The following BCLAF1 variants were observed in gnomAD, a reference collection of about 807,000 sequenced individuals.
BCLAF1 encodes the protein bcl-2-associated transcription factor 1.
BCLAF1 carries 10 observed loss-of-function variants against 99.5 expected under a neutral mutation model. That is an observed-to-expected ratio of 0.10 (90% confidence interval 0.06 to 0.17). BCLAF1 has a LOEUF of 0.17. Ranked by LOEUF, BCLAF1 falls within the 10% of genes least tolerant of loss-of-function variation. The pLI is 1.00. For missense variants in BCLAF1, 636 were observed against 1,105.8 expected (o/e 0.58, Z 6.02); for synonymous variants, 255 against 370.9 (o/e 0.69, Z 3.59).
chr6:136,267,685 T>C (rs1781912303), intron 10 of BCLAF1, among the ~76,000 whole-genome samples: 1 of 151,904 alleles, frequency 6.6e-6, no homozygotes, highest in Non-Finnish European at 1.5e-5. Context: ...TATAACGACT[T>C]ACAGAAACAT....
intron 1 of BCLAF1, among the ~76,000 whole-genome samples, chr6:136,289,329 G>GA (rs1363497543): frequency 6.6e-6 from 1 of 152,270 alleles, no homozygotes; most frequent in Non-Finnish European, 1.5e-5. Context: ...ATAGGCGGGG[G>GA]AGAGAAAAAT....
chr6:136,268,109 A>G, intron 10 of BCLAF1, 53 bp downstream of exon 10: 3 of 1,447,924 alleles, frequency 2.1e-6, no homozygotes, highest in Non-Finnish European at 9.2e-7. Context: ...CCTTATGTAC[A>G]GTACTCTAAG....
intron 1 of BCLAF1, among the ~76,000 whole-genome samples, chr6:136,287,545 T>C (rs201775134): frequency 2.0e-5 from 3 of 152,178 alleles, no homozygotes; most frequent in Non-Finnish European, 4.4e-5. Context: ...TTCTACTTAT[T>C]TGGTAAATAA....
chr6:136,288,962 A>G (rs1785548304), intron 1 of BCLAF1, among the ~76,000 whole-genome samples: 1 of 152,156 alleles, frequency 6.6e-6, no homozygotes, highest in Non-Finnish European at 1.5e-5. Context: ...GCTAAGACCC[A>G]ATCCTCTCGC....
rs896844458 is a variant in BCLAF1 at position 136,256,707 on chromosome 6, A to T, written c.*4403T>A. On this transcript the variant is annotated 3_prime_UTR_variant, in exon 13 of 13. Coordinates refer to ENST00000531224, the MANE Select transcript of BCLAF1 (RefSeq NM_014739.3). ...AATAAATAAATAAATAAATAAATAA[A>T]TAATTCAAAGTGCATTTAACATTCT... The T allele has an allele frequency of 6.2e-6, 1 of 162,304 alleles. No homozygotes were observed. 10.1% of individuals were successfully genotyped at this position (162,304 alleles called of 1,614,324 possible).
At chr6:136,276,745 T>C (rs1783479132) in intron 4 of BCLAF1, among the ~76,000 whole-genome samples, 1 of 152,172 alleles carries the variant, frequency 6.6e-6, no homozygotes, top group African/African-American at 2.4e-5. Flanking sequence ...ACAAAGCCAA[T>C]CACAAAAACC....
chr6:136,278,314 A>G lies in BCLAF1; in HGVS notation c.567T>C (p.Asp189=), dbSNP rs1344460187. 1.2e-6 allele frequency: 2 copies of G among 1,614,138 alleles called. No individual in the cohort carries two copies. The highest frequency in any genetic ancestry group is 3.3e-5 in the Admixed American group (2 of 59,994). Reference sequence around the variant, plus strand: ...ACTCAGATGGGTCATGTTCAAATGTATCTTTCGGTTCCTCCTGTGATTTAC... The same window carrying G: ...ACTCAGATGGGTCATGTTCAAATGTGTCTTTCGGTTCCTCCTGTGATTTAC... ...LKSKSQEEPK[D]TFEHDPSESI... Residue 189 remains aspartate (D), a synonymous_variant, in exon 4 of 13, where the codon GAT becomes GAC. Transcript: ENST00000531224.
intron 1 of BCLAF1, among the ~76,000 whole-genome samples, chr6:136,288,605 T>G (rs923701488): frequency 2.0e-5 from 3 of 152,136 alleles, no homozygotes; most frequent in African/African-American, 4.8e-5. Context: ...CTCATCTTTT[T>G]CGTCAGTGTT....
intron 12 of BCLAF1, 38 bp from the exon 13 acceptor site, chr6:136,261,153 TGC>T (rs1270468319): frequency 5.1e-6 from 8 of 1,569,494 alleles, no homozygotes; most frequent in Admixed American, 1.9e-5. Context: ...TAACAAAAGA[TGC>T]GGAGAGTGAA....
chr6:136,274,848 T>TA (rs1783035168), intron 6 of BCLAF1, among the ~76,000 whole-genome samples: 4 of 151,182 alleles, frequency 2.6e-5, no homozygotes, highest in African/African-American at 9.7e-5. Context: ...TGGTAAAAAT[T>TA]TAAAAAAAAA....
intron 6 of BCLAF1, chr6:136,274,187 G>A: frequency 1.6e-6 from 2 of 1,285,138 alleles, no homozygotes; most frequent in Non-Finnish European, 2.0e-6. Flanking sequence ...CATATTCCAG[G>A]ACCTAGTTAC....
chr6:136,278,911 A>G (rs1250736721), intron 3 of BCLAF1, 135 bp from the exon 4 acceptor site: 1 of 883,754 alleles, frequency 1.1e-6, no homozygotes, highest in Non-Finnish European at 1.6e-6. Flanking sequence ...CATCTGTACA[A>G]AAGTTAATGG....
rs1780506454 is a variant in BCLAF1, at chr6:136,256,793, A to C, written c.*4317T>G. The C allele has an allele frequency of 6.6e-6, 1 of 152,426 alleles. No homozygotes were observed. Among genetic ancestry groups the C allele is most frequent in the Non-Finnish European group, 1.5e-5 (1 of 68,210 alleles). 9.4% of individuals were successfully genotyped at this position (152,426 alleles called of 1,614,324 possible). ...AACAGAAAGTTTAGTTTTCCCTTCT[A>C]GTACAAATGAGACTGAAAAATTATT... On this transcript the variant is annotated 3_prime_UTR_variant, in exon 13 of 13. Coordinates refer to ENST00000531224, the MANE Select transcript of BCLAF1 (RefSeq NM_014739.3).
intron 1 of BCLAF1, among the ~76,000 whole-genome samples, chr6:136,284,109 C>CAT (rs200877081): frequency 0.012 from 1,372 of 112,880 alleles, 27 homozygotes; most frequent in East Asian, 0.049. Flanking sequence ...TATATATATA[C>CAT]ATATATATGT....
intron 6 of BCLAF1, among the ~76,000 whole-genome samples, chr6:136,274,491 T>C (rs1041933406): frequency 6.6e-6 from 1 of 151,904 alleles, no homozygotes; most frequent in South Asian, 2.1e-4. Flanking sequence ...CAGAGCCAAA[T>C]AGCAAAACTG....
chr6:136,272,707 ACTAT>A (rs1202955410), intron 7 of BCLAF1, among the ~76,000 whole-genome samples: 1 of 151,934 alleles, frequency 6.6e-6, no homozygotes, highest in African/African-American at 2.4e-5. Context: ...TTTCAACACA[ACTAT>A]CTGACTTCAA....
At chr6:136,274,430 A>G (rs1206835178) in intron 6 of BCLAF1, among the ~76,000 whole-genome samples, 2 of 152,064 alleles carry the variant, frequency 1.3e-5, no homozygotes, top group Middle Eastern at 3.2e-3. Context: ...AGAATGTTTC[A>G]TATTTTATGT....
intron 1 of BCLAF1, among the ~76,000 whole-genome samples, chr6:136,287,069 G>A (rs1785238179): frequency 6.6e-6 from 1 of 152,138 alleles, no homozygotes; most frequent in African/African-American, 2.4e-5. Context: ...CAACCTGGGA[G>A]GCAGAGGTTG....
At chr6:136,289,472 G>A (rs1291333602) in intron 1 of BCLAF1, among the ~76,000 whole-genome samples, 1 of 152,214 alleles carries the variant, frequency 6.6e-6, no homozygotes, top group Non-Finnish European at 1.5e-5. Context: ...TCTCCAGGCA[G>A]GTTCGCAAAC....
Sources: gnomAD v4.1 joint callset for allele counts (sites outside exome capture counted in the v4.1 genomes callset) on GRCh38, gnomAD v4.1.1 for gene constraint, MANE v1.5 for transcripts, NCBI Gene and HGNC (gene_info 2026-07-23, HGNC 2026-07-21) for gene names.